Variants in EPHA5 observed in about 807,000 individuals in gnomAD.
EPHA5 encodes the protein EPH receptor A5.
Under a neutral mutation model 105.0 loss-of-function variants are expected in EPHA5, and 60 were observed. That is an observed-to-expected ratio of 0.57 (90% CI 0.46 to 0.71). EPHA5 has a LOEUF of 0.71. Ranked by LOEUF, EPHA5 falls within the 30% of genes least tolerant of loss-of-function variation. EPHA5 has a pLI of 0.00. For missense variants in EPHA5, 1,218 were observed against 1,274.7 expected (o/e 0.96, Z 0.68); for synonymous variants, 513 against 449.1 (o/e 1.14, Z -1.80).
At position 65,464,802 on chromosome 4, in the gene EPHA5, A is replaced by G. The variant is rs1385942430; in HGVS notation, c.1402+25575T>C. On this transcript the variant is annotated intron_variant, in intron 5 of 16. Coordinates refer to ENST00000613740, the MANE Select transcript of EPHA5 (RefSeq NM_001281766.3). ...AATTAAAAATACGAATTTGGCTATT[A>G]GATTAGATACTGAAGTTTTTTCTCA... Among the ~76,000 whole-genome samples, 4 of 152,108 alleles carry G rather than the reference A, an allele frequency of 2.6e-5. No homozygotes were observed. In the East Asian group the frequency reaches 7.7e-4, roughly 29 times the overall value.
At chr4:65,458,229 G>A (rs1343771076) in intron 5 of EPHA5, among the ~76,000 whole-genome samples, 1 of 151,886 alleles carries the variant, frequency 6.6e-6, no homozygotes, top group Non-Finnish European at 1.5e-5. Flanking sequence ...GCAAAATTTA[G>A]TTTCATACGA....
intron 3 of EPHA5, among the ~76,000 whole-genome samples, chr4:65,547,164 AAC>A (rs1737457503): frequency 6.6e-6 from 1 of 152,056 alleles, no homozygotes; most frequent in South Asian, 2.1e-4. Flanking sequence ...ATGCGTCACA[AAC>A]ACAGAGTAAA....
At chr4:65,485,721 T>C (rs1378266236) in intron 5 of EPHA5, among the ~76,000 whole-genome samples, 1 of 152,170 alleles carries the variant, frequency 6.6e-6, no homozygotes, top group Admixed American at 6.5e-5. Context: ...TGGACATTCA[T>C]TGTTGTCACA....
In EPHA5 at chr4:65,371,827, A is replaced by C. The variant is rs549831192; in HGVS notation, c.1794-4403T>G. On this transcript the variant is annotated intron_variant, in intron 8 of 16. Transcript: ENST00000613740. ...TAATTTTTTTCACCTTAATCTAAAT[A>C]ACGTACAGTGGATCACAATAGGGGA... is the stretch of plus-strand genomic sequence containing the variant. 5.9e-5 allele frequency among the ~76,000 whole-genome samples: 9 copies of C among 152,124 alleles called. No individual in the cohort carries two copies. In the South Asian group the frequency reaches 1.2e-3, roughly 21 times the overall value.
At chr4:65,392,250 C>T (rs1486218204) in intron 8 of EPHA5, among the ~76,000 whole-genome samples, 1 of 152,002 alleles carries the variant, frequency 6.6e-6, no homozygotes, top group Non-Finnish European at 1.5e-5. Context: ...GAGATAAAAA[C>T]CCTCAGATAT....
intron 5 of EPHA5, among the ~76,000 whole-genome samples, chr4:65,422,282 A>T (rs1365903465): frequency 6.6e-6 from 1 of 152,070 alleles, no homozygotes; most frequent in Admixed American, 6.6e-5. Flanking sequence ...GGATGCTGAC[A>T]ACTCCTGGGG....
At chr4:65,423,570 CT>C (rs1724137456) in intron 5 of EPHA5, among the ~76,000 whole-genome samples, 1 of 151,592 alleles carries the variant, frequency 6.6e-6, no homozygotes, top group African/African-American at 2.4e-5. Context: ...TAGTCGAATA[CT>C]TTATTTTATT....
intron 8 of EPHA5, among the ~76,000 whole-genome samples, chr4:65,384,972 C>A (rs1390794543): frequency 6.6e-6 from 1 of 151,624 alleles, no homozygotes. Flanking sequence ...TGAAACACGT[C>A]TGTCTCGGGG....
intron 8 of EPHA5, among the ~76,000 whole-genome samples, chr4:65,402,377 TTACCAAA>T (rs1320034476): frequency 6.6e-6 from 1 of 152,116 alleles, no homozygotes; most frequent in Non-Finnish European, 1.5e-5. Flanking sequence ...TATCCTTCGG[TTACCAAA>T]TAGTAAGTAG....
intron 5 of EPHA5, among the ~76,000 whole-genome samples, chr4:65,451,623 A>G (rs571266896): frequency 6.6e-6 from 1 of 152,294 alleles, no homozygotes; most frequent in South Asian, 2.1e-4. Context: ...TAGTACAGCT[A>G]TAACAAGTTT....
At chr4:65,627,112 A>T (rs1055092588) in intron 2 of EPHA5, among the ~76,000 whole-genome samples, 1 of 152,224 alleles carries the variant, frequency 6.6e-6, no homozygotes, top group African/African-American at 2.4e-5. Flanking sequence ...ATAGAAAAGC[A>T]ATTCTTAGGC....
At chr4:65,645,046 A>C (rs1747999079) in intron 1 of EPHA5, among the ~76,000 whole-genome samples, 1 of 152,072 alleles carries the variant, frequency 6.6e-6, no homozygotes, top group Admixed American at 6.6e-5. Flanking sequence ...CTGAAAAACT[A>C]TTCTTTAAAA....
intron 15 of EPHA5, among the ~76,000 whole-genome samples, chr4:65,334,933 C>T (rs1721028672): frequency 6.6e-6 from 1 of 151,786 alleles, no homozygotes; most frequent in Non-Finnish European, 1.5e-5. Context: ...TAGGGAACAA[C>T]ATAAGGAATA....
intron 7 of EPHA5, among the ~76,000 whole-genome samples, chr4:65,407,563 T>C (rs1448475750): frequency 6.6e-6 from 1 of 152,006 alleles, no homozygotes; most frequent in African/African-American, 2.4e-5. Flanking sequence ...ATCGCAAACA[T>C]TAATATTCTA....
intron 2 of EPHA5, among the ~76,000 whole-genome samples, chr4:65,603,151 A>G (rs1398733312): frequency 6.6e-6 from 1 of 152,132 alleles, no homozygotes; most frequent in East Asian, 1.9e-4. Context: ...CGTAAAAAAA[A>G]TTAAGTACAA....
rs1728414799 is a variant in EPHA5 at position 65,464,382 on chromosome 4, G to A, written c.1402+25995C>T. 2.0e-5 allele frequency among the ~76,000 whole-genome samples: 3 copies of A among 152,076 alleles called. No homozygotes were observed. In the South Asian group the frequency reaches 6.2e-4, roughly 32 times the overall value. ...AGAAGATATGTGATACTTGGCTCAG[G>A]AGATTGATAAGGCAACACAAAGGAG... On this transcript the variant is annotated intron_variant, in intron 5 of 16. Transcript: ENST00000613740.
intron 5 of EPHA5, among the ~76,000 whole-genome samples, chr4:65,489,296 C>CAGCATTCCCACATCAAGGCT (rs1731185724): frequency 6.6e-6 from 1 of 152,170 alleles, no homozygotes; most frequent in Non-Finnish European, 1.5e-5. Flanking sequence ...TTGTAACCAA[C>CAGCATTCCCACATCAAGGCT]AGCATTCCCA....
At chr4:65,468,442 C>A (rs914293169) in intron 5 of EPHA5, among the ~76,000 whole-genome samples, 1 of 147,136 alleles carries the variant, frequency 6.8e-6, no homozygotes, top group African/African-American at 2.5e-5. Flanking sequence ...ATAAAATAAA[C>A]TGGAAAAATA....
intron 3 of EPHA5, among the ~76,000 whole-genome samples, chr4:65,502,141 T>C (rs769073606): frequency 2.0e-5 from 3 of 151,636 alleles, no homozygotes; most frequent in Admixed American, 6.6e-5. Flanking sequence ...TCTCAAACTA[T>C]AAAAATCCTA....
Sources: gnomAD v4.1 joint callset for allele counts (sites outside exome capture counted in the v4.1 genomes callset) on GRCh38, gnomAD v4.1.1 for gene constraint, MANE v1.5 for transcripts, NCBI Gene and HGNC (gene_info 2026-07-23, HGNC 2026-07-21) for gene names.